The following PCDH15 variants were observed in gnomAD, a reference collection of about 807,000 sequenced individuals.
PCDH15 encodes protocadherin-15.
A neutral mutation model predicts 178.5 loss-of-function variants in PCDH15; 129 were observed. The observed-to-expected ratio is 0.72, with a 90% CI of 0.63 to 0.84. PCDH15 has a LOEUF of 0.84. Ranked by LOEUF, PCDH15 falls within the 40% of genes least tolerant of loss-of-function variation. The pLI is 0.00. For missense variants in PCDH15, 2,230 were observed against 2,099.9 expected, an observed-to-expected ratio of 1.06 and a Z score of -1.21; for synonymous variants, 800 against 732.0, an observed-to-expected ratio of 1.09 and a Z score of -1.50.
intron 3 of PCDH15, among the ~76,000 whole-genome samples, chr10:54,424,146 A>T (rs1326270685): frequency 5.9e-5 from 9 of 151,940 alleles, no homozygotes; most frequent in Non-Finnish European, 1.3e-4. Context: ...GAATCTACGA[A>T]GAACTCAAAC....
chr10:55,463,969 GAAA>G (rs1839757669), intron 2 of PCDH15, among the ~76,000 whole-genome samples: 1 of 35,442 alleles, frequency 2.8e-5, no homozygotes, highest in Non-Finnish European at 4.5e-5. Context: ...AAGAAAGAAA[GAAA>G]GAGAAAGAAA....
At chr10:54,366,604 A>G (rs539524717) in intron 5 of PCDH15, among the ~76,000 whole-genome samples, 5 of 152,192 alleles carry the variant, frequency 3.3e-5, no homozygotes, top group African/African-American at 1.2e-4. Context: ...TTTATAATTC[A>G]TTGGACTAAA....
intron 32 of PCDH15, chr10:53,822,057 G>A: frequency 6.2e-7 from 1 of 1,613,964 alleles, no homozygotes; most frequent in African/African-American, 1.3e-5. Context: ...TTCAAGTTCT[G>A]CTAAGTTTTT....
intron 6 of PCDH15, among the ~76,000 whole-genome samples, chr10:54,344,904 C>CCAAAAAAAAAA (rs58908008): frequency 2.5e-5 from 2 of 78,888 alleles, no homozygotes; most frequent in African/African-American, 4.9e-5. Flanking sequence ...AGAAACAAAG[C>CCAAAAAAAAAA]AAAAAAAAAA....
intron 1 of PCDH15, 35 bp from the exon 2 acceptor site, chr10:54,664,325 A>G (rs1470335154): frequency 2.3e-6 from 3 of 1,308,400 alleles, no homozygotes; most frequent in Non-Finnish European, 2.2e-6. Flanking sequence ...AACATTTGAC[A>G]TGTTCATTAA....
chr10:55,260,406 C>T (rs546053389), intron 1 of PCDH15, among the ~76,000 whole-genome samples: 1 of 151,894 alleles, frequency 6.6e-6, no homozygotes, highest in Admixed American at 6.6e-5. Context: ...AAAGAGATTA[C>T]CTATTACACA....
At chr10:54,921,678 C>T (rs942630382) in intron 2 of PCDH15, among the ~76,000 whole-genome samples, 3 of 152,168 alleles carry the variant, frequency 2.0e-5, no homozygotes, top group Non-Finnish European at 4.4e-5. Context: ...CTTTTTATGG[C>T]TGCATAGTAT....
At chr10:54,868,441 T>C (rs1221211249) in intron 3 of PCDH15, among the ~76,000 whole-genome samples, 1 of 152,060 alleles carries the variant, frequency 6.6e-6, no homozygotes, top group Non-Finnish European at 1.5e-5. Flanking sequence ...CTTCTTCTCT[T>C]CCTCCTCCCT....
intron 3 of PCDH15, among the ~76,000 whole-genome samples, chr10:54,890,750 G>A (rs1954446037): frequency 6.6e-6 from 1 of 152,032 alleles, no homozygotes; most frequent in Non-Finnish European, 1.5e-5. Flanking sequence ...TACAGAATAT[G>A]TAGTGGTAGG....
intron 2 of PCDH15, among the ~76,000 whole-genome samples, chr10:54,639,852 T>C (rs1245497471): frequency 1.3e-5 from 2 of 152,224 alleles, no homozygotes; most frequent in East Asian, 3.9e-4. Context: ...TATCACTATT[T>C]AACAAAAAAG....
chr10:54,975,459 C>T (rs992830803), intron 2 of PCDH15, among the ~76,000 whole-genome samples: 17 of 151,992 alleles, frequency 1.1e-4, no homozygotes, highest in Admixed American at 2.6e-4. Flanking sequence ...TTTGCGGAAC[C>T]GTAGATGTGT....
intron 2 of PCDH15, among the ~76,000 whole-genome samples, chr10:54,988,052 A>T (rs1839414608): frequency 6.6e-6 from 1 of 152,096 alleles, no homozygotes; most frequent in Admixed American, 6.6e-5. Context: ...AGGTATAAGG[A>T]AGGGGTCCAG....
At chr10:54,639,505 A>G (rs1459714777) in intron 2 of PCDH15, among the ~76,000 whole-genome samples, 2 of 152,160 alleles carry the variant, frequency 1.3e-5, no homozygotes, top group African/African-American at 4.8e-5. Context: ...ATGTTTGAGG[A>G]TTATTTCTCC....
At chr10:55,302,020 T>A (rs939810229) in intron 1 of PCDH15, among the ~76,000 whole-genome samples, 8 of 152,322 alleles carry the variant, frequency 5.3e-5, no homozygotes, top group African/African-American at 1.9e-4. Context: ...TAGAATGCTA[T>A]CTTCCACTTT....
chr10:54,815,141 T>C (rs974937200), intron 3 of PCDH15, among the ~76,000 whole-genome samples: 2 of 139,750 alleles, frequency 1.4e-5, no homozygotes, highest in African/African-American at 5.4e-5. Flanking sequence ...AATAAATATG[T>C]TGGTTTTTTT....
At chr10:53,810,977 CAA>C (rs1216095353) in intron 36 of PCDH15, among the ~76,000 whole-genome samples, 2 of 152,160 alleles carry the variant, frequency 1.3e-5, no homozygotes, top group Non-Finnish European at 2.9e-5. Context: ...ATCCAGAACA[CAA>C]AATAGATACT....
intron 8 of PCDH15, among the ~76,000 whole-genome samples, chr10:54,254,196 C>G (rs1377373857): frequency 6.6e-6 from 1 of 152,114 alleles, no homozygotes; most frequent in Non-Finnish European, 1.5e-5. Context: ...AGAGGACCTA[C>G]TGTCTCACCC....
intron 2 of PCDH15, among the ~76,000 whole-genome samples, chr10:55,341,472 T>G (rs1307100464): frequency 6.6e-6 from 1 of 151,566 alleles, no homozygotes; most frequent in African/African-American, 2.4e-5. Flanking sequence ...ATTTAATCAA[T>G]AATTATTCTA....
chr10:54,223,232 T>C lies in PCDH15; in HGVS notation c.986-9184A>G, dbSNP rs7915404. Among the ~76,000 whole-genome samples the C allele has an allele frequency of 9.9e-3, 1,465 of 147,446 alleles. 23 individuals carry two copies. The highest frequency in any genetic ancestry group is 0.032 in the African/African-American group (1,271 of 39,418). ...GGCTGAGGGAGGAGAATTGCTTGAA[T>C]CTGGGAGGTGGAGGTTGTGGTGAGC... is the stretch of plus-strand genomic sequence containing the variant. On this transcript the variant is annotated intron_variant, in intron 9 of 37. Transcript: ENST00000644397.
Sources: gnomAD v4.1 joint callset for allele counts (sites outside exome capture counted in the v4.1 genomes callset) on GRCh38, gnomAD v4.1.1 for gene constraint, MANE v1.5 for transcripts, NCBI Gene and HGNC (gene_info 2026-07-23, HGNC 2026-07-21) for gene names.